The following TANC1 variants were observed in gnomAD, a reference collection of about 807,000 sequenced individuals.
The protein encoded by TANC1 is protein TANC1.
A neutral mutation model predicts 149.7 loss-of-function variants in TANC1; 77 were observed. The observed-to-expected ratio is 0.51, with a 90% CI of 0.43 to 0.62. The LOEUF (loss-of-function observed/expected upper bound fraction) is 0.62. TANC1 is among the 20% of genes least tolerant of loss of function. The pLI is 0.00. For synonymous variants in TANC1, 854 were observed against 925.0 expected, an observed-to-expected ratio of 0.92 and a Z score of 1.39; for missense variants, 1,985 against 2,321.8, an observed-to-expected ratio of 0.85 and a Z score of 2.98.
intron 1 of TANC1, among the ~76,000 whole-genome samples, chr2:158,969,952 A>G (rs1403997790): frequency 6.6e-6 from 1 of 152,180 alleles, no homozygotes; most frequent in Non-Finnish European, 1.5e-5. Flanking sequence ...ACTTGACCCC[A>G]GAAGCAGCGT....
chr2:159,217,749 C>A, intron 20 of TANC1, 119 bp downstream of exon 20: 6 of 1,330,608 alleles, frequency 4.5e-6, no homozygotes, highest in Non-Finnish European at 6.2e-6. Context: ...CCATCCTCGG[C>A]TTCTGCTGTG....
chr2:159,194,130 C>G, intron 16 of TANC1, 127 bp from the exon 17 acceptor site: 2 of 732,414 alleles, frequency 2.7e-6, no homozygotes, highest in Admixed American at 1.9e-5. Context: ...CCAGGTGATA[C>G]TGGTGCACAT....
At chr2:159,219,430 G>C (rs777687660) in intron 21 of TANC1, 69 bp downstream of exon 21, 183 of 1,589,846 alleles carry the variant, frequency 1.2e-4, no homozygotes, top group Non-Finnish European at 1.5e-4. Flanking sequence ...GACCCATTCA[G>C]TGCTTTCTGA....
In TANC1 at chr2:159,065,269, T is replaced by G. The variant is rs535717851; in HGVS notation, c.-15-627T>G. 2.0e-5 allele frequency among the ~76,000 whole-genome samples: 3 copies of G among 152,314 alleles called. No individual in the cohort carries two copies. In the South Asian group the frequency reaches 6.2e-4, roughly 32 times the overall value. On this transcript the variant is annotated intron_variant, in intron 2 of 26. Transcript: ENST00000263635. ...CGTAGTGCCACAGGCCTGTTCTACTTACTTCCCTTCCCCACCCCAAAGTTA... is the reference window on the plus strand; with the variant it reads ...CGTAGTGCCACAGGCCTGTTCTACTGACTTCCCTTCCCCACCCCAAAGTTA...
chr2:159,064,386 C>T (rs563440810), intron 2 of TANC1, among the ~76,000 whole-genome samples: 18 of 152,334 alleles, frequency 1.2e-4, no homozygotes, highest in South Asian at 1.0e-3. Flanking sequence ...GATGATTTTA[C>T]TCCGATAACC....
chr2:159,179,429 G>A (rs564248289), intron 14 of TANC1, among the ~76,000 whole-genome samples: 6 of 152,010 alleles, frequency 3.9e-5, no homozygotes, highest in African/African-American at 1.4e-4. Context: ...TGCCTGTGTG[G>A]TCCTTCCTTA....
intron 2 of TANC1, among the ~76,000 whole-genome samples, chr2:159,010,724 T>C (rs917390142): frequency 1.3e-5 from 1 of 78,540 alleles, no homozygotes; most frequent in Non-Finnish European, 4.1e-5. Context: ...AATGAAAGGC[T>C]TTTTTTTTTT....
chr2:159,116,459 A>C (rs956971194), intron 4 of TANC1, among the ~76,000 whole-genome samples: 2,074 of 150,568 alleles, frequency 0.014, 15 homozygotes, highest in African/African-American at 0.025. Context: ...AACAACAAAA[A>C]AAAAAAAACA....
chr2:159,179,103 T>C lies in TANC1; in HGVS notation c.2450T>C (p.Phe817Ser). 6.2e-7 allele frequency: 1 copy of C among 1,613,688 alleles called. No homozygotes were observed. The highest frequency in any genetic ancestry group is 8.5e-7 in the Non-Finnish European group (1 of 1,179,960). ...ACCCGCATGTTCTGCCACCCGTCCT[T>C]CAGGGAGTGGCTTGTATGGAGAGCA... is the stretch of plus-strand genomic sequence containing the variant. ...DKTRMFCHPSFREWLVWRADG... is the reference protein window; with the variant it reads ...DKTRMFCHPSSREWLVWRADG... Residue 817 changes from phenylalanine to serine, a missense_variant, in exon 14 of 27, where the codon TTC (phenylalanine) becomes TCC (serine). Physicochemically the swap from Phe to Ser is radical, Grantham distance 155 (BLOSUM62 -2). This residue lies in a region of TANC1 where 508 missense variants were observed against 714.2 expected (regional missense o/e 0.71). Coordinates refer to ENST00000263635, the MANE Select transcript of TANC1 (RefSeq NM_033394.3).
chr2:158,996,353 G>A (rs907641992), intron 1 of TANC1, among the ~76,000 whole-genome samples: 3 of 152,322 alleles, frequency 2.0e-5, no homozygotes, highest in Admixed American at 6.5e-5. Flanking sequence ...GTGACAGCCT[G>A]TCTCAAAACA....
intron 4 of TANC1, among the ~76,000 whole-genome samples, chr2:159,130,903 C>T (rs1305376205): frequency 1.3e-5 from 2 of 152,104 alleles, no homozygotes; most frequent in African/African-American, 4.8e-5. Flanking sequence ...TCTTTCCTCA[C>T]CTGCCTGGTG....
chr2:159,136,002 T>TGTGTGTGTG, intron 4 of TANC1, among the ~76,000 whole-genome samples, 192 bp from the exon 5 acceptor site: 2 of 107,882 alleles, frequency 1.9e-5, no homozygotes, highest in South Asian at 5.9e-4. Context: ...TACTGAAATT[T>TGTGTGTGTG]TGTGTGTGTG....
chr2:158,972,026 T>C (rs1312307449), intron 1 of TANC1, among the ~76,000 whole-genome samples: 1 of 152,224 alleles, frequency 6.6e-6, no homozygotes, highest in African/African-American at 2.4e-5. Flanking sequence ...AACCCCAGGG[T>C]TAACATCTAT....
rs779736664 is a variant in TANC1, at chr2:159,227,976, C to T, written c.4050+11C>T. 11 of 1,606,788 alleles carry T rather than the reference C, an allele frequency of 6.8e-6. No homozygotes were observed. In the Admixed American group the frequency reaches 1.2e-4, roughly 17 times the overall value. On this transcript the variant is annotated intron_variant, in intron 25 of 26. Transcript: ENST00000263635. ...CGAAGAAAAACAAATGTAAGCTGTG[C>T]CCCTTTATTCCAACCCAGTCTTCCA...
chr2:159,131,152 G>T lies in TANC1; in HGVS notation c.260-5042G>T, dbSNP rs537787805. On this transcript the variant is annotated intron_variant, in intron 4 of 26. Coordinates refer to ENST00000263635, the MANE Select transcript of TANC1 (RefSeq NM_033394.3). The stretch of plus-strand genomic sequence containing the variant: ...TCAGATCTCATAGCTGGGGGCTGGG[G>T]GTGGGAGATACGTCTCTGGCCCATC... 6.1e-4 allele frequency among the ~76,000 whole-genome samples: 93 copies of T among 152,174 alleles called. 1 individual carries two copies. Among genetic ancestry groups the T allele is most frequent in the Non-Finnish European group, 2.6e-4 (18 of 68,002 alleles).
intron 2 of TANC1, among the ~76,000 whole-genome samples, chr2:159,059,634 C>T (rs563430151): frequency 2.0e-5 from 3 of 152,252 alleles, no homozygotes; most frequent in South Asian, 4.2e-4. Flanking sequence ...CATCTGGATC[C>T]TGGAGAAGTT....
Position 159,062,509 on chromosome 2 carries a change from AGT to A in TANC1, c.-15-3383_-15-3382del, listed in dbSNP as rs377650269. On this transcript the variant is annotated intron_variant, in intron 2 of 26. Transcript: ENST00000263635. The stretch of plus-strand genomic sequence containing the variant: ...TAGTTGAAGTTGCTACTGGAAGGGA[AGT>A]GTGATGATGCAGAAGAGGAGAGCCT... 4.1e-3 allele frequency among the ~76,000 whole-genome samples: 626 copies of A among 152,258 alleles called. 7 individuals are homozygous for A. The highest frequency in any genetic ancestry group is 0.014 in the African/African-American group (579 of 41,558).
intron 3 of TANC1, among the ~76,000 whole-genome samples, chr2:159,097,223 G>C (rs2149909702): frequency 6.6e-6 from 1 of 152,258 alleles, no homozygotes; most frequent in Middle Eastern, 3.4e-3. Context: ...AGGAGCAGTG[G>C]AGGCCTGGGA....
Position 159,081,493 on chromosome 2 carries a change from A to G in TANC1, c.61+15522A>G, listed in dbSNP as rs539194057. ...TGCTCCTACCTCCCTCTGGCCGAAG[A>G]TGGGGTCTACCCTCTGTGTGCATGT... On this transcript the variant is annotated intron_variant, in intron 3 of 26. Coordinates refer to ENST00000263635, the MANE Select transcript of TANC1 (RefSeq NM_033394.3). Among the ~76,000 whole-genome samples, 6 of 152,146 alleles carry G rather than the reference A, an allele frequency of 3.9e-5. No homozygotes were observed. The South Asian group carries it at 6.2e-4, about 16-fold the overall frequency.
Sources: allele counts gnomAD v4.1 joint callset (sites outside exome capture counted in the v4.1 genomes callset), GRCh38; gene constraint gnomAD v4.1.1; regional missense constraint gnomAD v4.1.1; transcripts MANE v1.5; gene names NCBI Gene and HGNC (gene_info 2026-07-23, HGNC 2026-07-21).